The following CDK6 variants were observed in gnomAD, a reference collection of about 807,000 sequenced individuals.
CDK6 encodes cyclin-dependent kinase 6.
A neutral mutation model predicts 37.1 loss-of-function variants in CDK6; 6 were observed. The ratio of observed to expected loss-of-function variants is 0.16; its 90% CI spans 0.09 to 0.32. The LOEUF (loss-of-function observed/expected upper bound fraction) is 0.32. Ranked by LOEUF, CDK6 falls within the 10% of genes least tolerant of loss-of-function variation. The pLI, the probability that CDK6 is intolerant of heterozygous loss-of-function variation, is 1.00. For missense variants in CDK6, 224 were observed against 418.9 expected (o/e 0.53, Z 4.06); for synonymous variants, 160 against 161.3 (o/e 0.99, Z 0.06).
rs1464756248 is a variant in CDK6, at chr7:92,833,303, G to A, written c.21C>T (p.Cys7=). MEKDGL[C]RADQQYECVA... Reference sequence around the variant, plus strand: ...CGCATTCGTACTGCTGGTCAGCGCGGCACAGGCCGTCCTTCTCCATGCCGC... The same window carrying A: ...CGCATTCGTACTGCTGGTCAGCGCGACACAGGCCGTCCTTCTCCATGCCGC... Residue 7 remains cysteine, a synonymous_variant, in exon 2 of 8, where the codon TGC becomes TGT. Coordinates refer to ENST00000424848, the MANE Select transcript of CDK6 (RefSeq NM_001145306.2). This position sits in a 1 kb window ranked among gnomAD's most constrained non-coding sequence, Gnocchi z 6.1. 7.5e-6 allele frequency: 12 copies of A among 1,599,896 alleles called. No individual in the cohort carries two copies. Among genetic ancestry groups the A allele is most frequent in the Non-Finnish European group, 1.0e-5 (12 of 1,175,314 alleles).
At chr7:92,798,659 C>T (rs1173478143) in intron 2 of CDK6, among the ~76,000 whole-genome samples, 2 of 152,160 alleles carry the variant, frequency 1.3e-5, no homozygotes, top group Admixed American at 6.6e-5. Flanking sequence ...TAAGGGAACC[C>T]AAGTGTGCTG....
chr7:92,830,427 T>C (rs368171009), intron 2 of CDK6, among the ~76,000 whole-genome samples: 1 of 152,226 alleles, frequency 6.6e-6, no homozygotes, highest in Non-Finnish European at 1.5e-5. Flanking sequence ...CAATTACTTA[T>C]GACTTGAAGG....
chr7:92,721,980 A>C (rs929203207), intron 4 of CDK6, among the ~76,000 whole-genome samples: 10 of 152,228 alleles, frequency 6.6e-5, no homozygotes, highest in Non-Finnish European at 1.5e-4. Context: ...CATAGAGCAT[A>C]CTGGCTCAGA....
rs2116495160 is a variant in CDK6 at position 92,623,100 on chromosome 7, G to A, written c.648-14C>T. On this transcript the variant is annotated splice_polypyrimidine_tract_variant and intron_variant, in intron 5 of 7. Coordinates refer to ENST00000424848, the MANE Select transcript of CDK6 (RefSeq NM_001145306.2). ...CGAAAAAGAGGCCTAAAAGAATAAA[G>A]ATACATTTTAAATAAGAAATGTTCT... The A allele has an allele frequency of 6.5e-7, 1 of 1,530,128 alleles. No individual in the cohort carries two copies. Among genetic ancestry groups the A allele is most frequent in the Non-Finnish European group, 9.0e-7 (1 of 1,110,162 alleles). The allele number at this position is 1,530,128 out of a possible 1,614,324, so 94.8% of individuals were successfully genotyped here.
At chr7:92,709,644 T>C (rs1375742099) in intron 4 of CDK6, among the ~76,000 whole-genome samples, 1 of 152,222 alleles carries the variant, frequency 6.6e-6, no homozygotes, top group Non-Finnish European at 1.5e-5. Context: ...ACAAACATAC[T>C]ATTTATGTAA....
intron 5 of CDK6, among the ~76,000 whole-genome samples, chr7:92,629,605 G>C (rs770369691): frequency 6.6e-6 from 1 of 152,096 alleles, no homozygotes; most frequent in Non-Finnish European, 1.5e-5. Flanking sequence ...AGATGAAAAA[G>C]TCATTTCTAA....
chr7:92,827,784 T>C (rs1801363228), intron 2 of CDK6, among the ~76,000 whole-genome samples: 1 of 152,194 alleles, frequency 6.6e-6, no homozygotes, highest in African/African-American at 2.4e-5. Flanking sequence ...TCTGCTGTGT[T>C]CTGTTACATC....
At chr7:92,763,598 G>C (rs1799509259) in intron 3 of CDK6, among the ~76,000 whole-genome samples, 1 of 152,082 alleles carries the variant, frequency 6.6e-6, no homozygotes. Context: ...ACATTTTAAG[G>C]AATAAAACTT....
chr7:92,790,024 C>G (rs1415343784), intron 2 of CDK6, among the ~76,000 whole-genome samples: 5 of 152,176 alleles, frequency 3.3e-5, no homozygotes, highest in Non-Finnish European at 5.9e-5. Flanking sequence ...TTTATGGTCA[C>G]AGCTTCAAAG....
At chr7:92,801,177 C>CA (rs1293757051) in intron 2 of CDK6, among the ~76,000 whole-genome samples, 5 of 151,764 alleles carry the variant, frequency 3.3e-5, no homozygotes, top group Non-Finnish European at 7.4e-5. Context: ...ATAAAAATTT[C>CA]AAAATTAGCT....
At chr7:92,662,945 C>T (rs1431550958) in intron 5 of CDK6, among the ~76,000 whole-genome samples, 1 of 152,078 alleles carries the variant, frequency 6.6e-6, no homozygotes, top group Non-Finnish European at 1.5e-5. Flanking sequence ...TTTTAGTTAC[C>T]TTGAAGAAGA....
chr7:92,771,625 A>C (rs1799721216), intron 3 of CDK6, among the ~76,000 whole-genome samples: 1 of 152,158 alleles, frequency 6.6e-6, no homozygotes, highest in South Asian at 2.1e-4. Context: ...TTATACTCTA[A>C]AGGTCCTTCA....
chr7:92,769,343 T>C (rs895232483), intron 3 of CDK6, among the ~76,000 whole-genome samples: 4 of 152,102 alleles, frequency 2.6e-5, no homozygotes, highest in Non-Finnish European at 4.4e-5. Context: ...TAAAGATACA[T>C]AAATAAAAAA....
chr7:92,659,215 T>C (rs746263732), intron 5 of CDK6, among the ~76,000 whole-genome samples: 20 of 152,204 alleles, frequency 1.3e-4, no homozygotes, highest in Non-Finnish European at 2.6e-4. Flanking sequence ...TAGACCTGCA[T>C]TGTCCAATCA....
At chr7:92,778,070 A>G (rs539949179) in intron 2 of CDK6, among the ~76,000 whole-genome samples, 8 of 149,938 alleles carry the variant, frequency 5.3e-5, no homozygotes, top group Non-Finnish European at 8.8e-5. Context: ...CTGTGAATCT[A>G]TACTAAATTT....
chr7:92,775,172 G>A (rs1169310778), intron 2 of CDK6, among the ~76,000 whole-genome samples: 2 of 152,132 alleles, frequency 1.3e-5, no homozygotes, highest in Non-Finnish European at 2.9e-5. Flanking sequence ...TTGATGTCTA[G>A]GCAAAATATG....
chr7:92,713,667 T>TAAAAAAAAAAAA (rs535072218), intron 4 of CDK6, among the ~76,000 whole-genome samples: 10 of 67,190 alleles, frequency 1.5e-4, no homozygotes, highest in Admixed American at 3.3e-4. Context: ...TTAAAAAAAG[T>TAAAAAAAAAAAA]AAAAAAAAAA....
At chr7:92,762,705 T>C (rs191912982) in intron 3 of CDK6, among the ~76,000 whole-genome samples, 260 of 151,946 alleles carry the variant, frequency 1.7e-3, no homozygotes, top group African/African-American at 5.6e-3. Flanking sequence ...GCAGCTGAGA[T>C]TACAGGCATG....
At chr7:92,785,207 A>G (rs1410948163) in intron 2 of CDK6, among the ~76,000 whole-genome samples, 6 of 152,232 alleles carry the variant, frequency 3.9e-5, no homozygotes, top group Non-Finnish European at 8.8e-5. Flanking sequence ...TAGTAATAGA[A>G]AGAAATGAAG....
Sources: allele counts gnomAD v4.1 joint callset (sites outside exome capture counted in the v4.1 genomes callset), GRCh38; gene constraint gnomAD v4.1.1; non-coding constraint Gnocchi (gnomAD v3.1); transcripts MANE v1.5; gene names NCBI Gene and HGNC (gene_info 2026-07-23, HGNC 2026-07-21).